ZBBX: variants seen among roughly 807,000 people sequenced by gnomAD.
ZBBX encodes zinc finger B-box domain-containing protein 1.
Under a neutral mutation model 108.5 loss-of-function variants are expected in ZBBX, and 101 were observed. That is an observed-to-expected ratio of 0.93 (90% CI 0.79 to 1.10). ZBBX has a LOEUF of 1.10. ZBBX is among the 50% of genes least tolerant of loss of function. ZBBX has a pLI of 0.00. For synonymous variants in ZBBX, 356 were observed against 323.4 expected (o/e 1.10, Z -1.08); for missense variants, 1,009 against 941.4 (o/e 1.07, Z -0.94).
the ZBBX span, among the ~76,000 whole-genome samples, chr3:167,191,920 T>TAGAGAGAG: frequency 5.7e-5 from 7 of 122,190 alleles, no homozygotes; most frequent in African/African-American, 2.3e-4. Context: ...TATATATATA[T>TAGAGAGAG]ATATATATAT....
intron 1 of ZBBX, among the ~76,000 whole-genome samples, chr3:167,407,286 T>A (rs189858732): frequency 2.0e-5 from 3 of 152,340 alleles, no homozygotes; most frequent in Admixed American, 2.0e-4. Context: ...TTTAAATGAT[T>A]TTTTGATATT....
chr3:167,223,508 C>T, the ZBBX span, among the ~76,000 whole-genome samples: 1 of 151,894 alleles, frequency 6.6e-6, no homozygotes, highest in East Asian at 1.9e-4. Context: ...CTGCCTCTAG[C>T]TCTATGACTT....
At position 167,252,168 on chromosome 3, in the gene ZBBX, A is replaced by G. The variant is rs145211592; in HGVS notation, c.2255-9525T>C. On this transcript the variant is annotated intron_variant, in intron 20 of 21. Transcript: ENST00000675490. ...TGTCTTATTCTCCCAGCTCCTTAAC[A>G]TGGTTGTTTTTCATAGAACTTAGAA... 23 of 1,289,660 alleles carry G rather than the reference A, an allele frequency of 1.8e-5. No homozygotes were observed. The East Asian group carries it at 1.1e-3, about 62-fold the overall frequency. 79.9% of individuals were successfully genotyped at this position (1,289,660 alleles called of 1,614,324 possible).
intron 3 of ZBBX, among the ~76,000 whole-genome samples, chr3:167,373,429 G>A (rs1021158912): frequency 2.6e-5 from 4 of 152,060 alleles, no homozygotes; most frequent in Admixed American, 1.3e-4. Flanking sequence ...AATGTAACAC[G>A]TCTGATGGAA....
intron 1 of ZBBX, among the ~76,000 whole-genome samples, chr3:167,397,142 T>TAAA (rs61671930): frequency 0.018 from 1,325 of 72,372 alleles, 52 homozygotes; most frequent in South Asian, 0.035. Flanking sequence ...TTCTTGGTGG[T>TAAA]AAAAAAAAAA....
chr3:167,248,523 T>C, intron 20 of ZBBX: 1 of 402,746 alleles, frequency 2.5e-6, no homozygotes, highest in Non-Finnish European at 5.1e-6. Context: ...GTTAACAGAG[T>C]AATGGCCCCT....
chr3:167,218,112 G>A, the ZBBX span, among the ~76,000 whole-genome samples: 1 of 152,092 alleles, frequency 6.6e-6, no homozygotes. Context: ...CTTGAAGTGA[G>A]AGGGTGGGAG....
chr3:167,399,826 C>T (rs1379757508), intron 1 of ZBBX, among the ~76,000 whole-genome samples: 1 of 152,030 alleles, frequency 6.6e-6, no homozygotes, highest in Non-Finnish European at 1.5e-5. Context: ...GAACATATTA[C>T]CCAATAGGTA....
chr3:167,225,708 C>T, the ZBBX span, among the ~76,000 whole-genome samples: 5 of 151,728 alleles, frequency 3.3e-5, no homozygotes, highest in East Asian at 3.9e-4. Flanking sequence ...TATCAGGGAA[C>T]GGGGTGCTCT....
chr3:167,253,297 G>T (rs1205697931), intron 20 of ZBBX, among the ~76,000 whole-genome samples: 1 of 152,062 alleles, frequency 6.6e-6, no homozygotes, highest in Non-Finnish European at 1.5e-5. Context: ...GTCATAAAAA[G>T]AACAGGCTAG....
chr3:167,258,643 T>A (rs1392320199), intron 20 of ZBBX, among the ~76,000 whole-genome samples: 1 of 152,196 alleles, frequency 6.6e-6, no homozygotes, highest in Non-Finnish European at 1.5e-5. Context: ...TTAAGGTATG[T>A]CCCTTGTTTG....
chr3:167,271,738 G>A (rs1452303210), intron 20 of ZBBX, among the ~76,000 whole-genome samples: 1 of 152,184 alleles, frequency 6.6e-6, no homozygotes, highest in Non-Finnish European at 1.5e-5. Context: ...TTGGTGGGGA[G>A]GAATCCAGGG....
intron 8 of ZBBX, among the ~76,000 whole-genome samples, chr3:167,353,985 C>T (rs1271631099): frequency 6.6e-6 from 1 of 151,896 alleles, no homozygotes; most frequent in Non-Finnish European, 1.5e-5. Context: ...CCCAATAAAC[C>T]CATCATAAAT....
At chr3:167,318,901 A>G (rs982027009) in intron 12 of ZBBX, among the ~76,000 whole-genome samples, 1 of 151,980 alleles carries the variant, frequency 6.6e-6, no homozygotes, top group African/African-American at 2.4e-5. Flanking sequence ...ACAATGAGAT[A>G]CAACTACACG....
At chr3:167,306,344 C>T (rs1733642813) in intron 16 of ZBBX, among the ~76,000 whole-genome samples, 1 of 152,022 alleles carries the variant, frequency 6.6e-6, no homozygotes. Context: ...GCCATTTTTC[C>T]CTAGCATGCC....
chr3:167,377,086 C>T (rs1009145557), intron 2 of ZBBX, among the ~76,000 whole-genome samples: 1 of 152,018 alleles, frequency 6.6e-6, no homozygotes, highest in Non-Finnish European at 1.5e-5. Context: ...TTCTAGTTAC[C>T]TGATTTATTA....
intron 9 of ZBBX, among the ~76,000 whole-genome samples, chr3:167,347,119 A>G (rs922294394): frequency 1.3e-5 from 2 of 151,962 alleles, no homozygotes; most frequent in Admixed American, 6.6e-5. Flanking sequence ...TCACTCACAC[A>G]TAGTGAAACT....
At chr3:167,407,808 G>C (rs747449699) in exon 1 of ZBBX, among the ~76,000 whole-genome samples, 2 of 151,964 alleles carry the variant, frequency 1.3e-5, no homozygotes, top group Non-Finnish European at 1.5e-5. Flanking sequence ...CAAATCTCAC[G>C]CAGTCGACTC....
At chr3:167,340,366 C>T (rs548163185) in intron 9 of ZBBX, among the ~76,000 whole-genome samples, 10 of 151,794 alleles carry the variant, frequency 6.6e-5, no homozygotes, top group African/African-American at 2.4e-4. Context: ...TGCAATAAAC[C>T]CATCAAATTT....
Sources: allele counts gnomAD v4.1 joint callset (sites outside exome capture counted in the v4.1 genomes callset), GRCh38; gene constraint gnomAD v4.1.1; transcripts MANE v1.5; gene names NCBI Gene and HGNC (gene_info 2026-07-23, HGNC 2026-07-21).